PHIP: variants seen among roughly 807,000 people sequenced by gnomAD.
PHIP encodes the protein PH-interacting protein.
In PHIP, 54 loss-of-function variants were observed where a neutral mutation model predicts 236.8. The ratio of observed to expected loss-of-function variants is 0.23; its 90% CI spans 0.18 to 0.29. PHIP has a LOEUF of 0.29. Ranked by LOEUF, PHIP falls within the 10% of genes least tolerant of loss-of-function variation. The pLI is 1.00. For synonymous variants in PHIP, 756 were observed against 718.9 expected (o/e 1.05, Z -0.83); for missense variants, 1,370 against 2,190.8 (o/e 0.63, Z 7.48).
At chr6:78,981,146 A>G (rs1201079454) in intron 23 of PHIP, among the ~76,000 whole-genome samples, 1 of 151,994 alleles carries the variant, frequency 6.6e-6, no homozygotes, top group Admixed American at 6.6e-5. Flanking sequence ...ATTCTTTAAC[A>G]TTTCTAGCTC....
chr6:79,043,896 G>A (rs1012645811), intron 6 of PHIP, among the ~76,000 whole-genome samples: 10 of 150,144 alleles, frequency 6.7e-5, no homozygotes, highest in African/African-American at 2.2e-4. Context: ...TTTCTCGGTC[G>A]AATTTAGCCC....
chr6:78,996,982 A>AAT (rs1554202828), intron 19 of PHIP, among the ~76,000 whole-genome samples: 1 of 151,024 alleles, frequency 6.6e-6, no homozygotes, highest in Non-Finnish European at 1.5e-5. Flanking sequence ...TAAATATTTT[A>AAT]ATATATATAA....
Position 78,963,914 on chromosome 6 carries a change from G to A in PHIP, c.3380-662C>T, listed in dbSNP as rs545398137. On this transcript the variant is annotated intron_variant, in intron 29 of 39. Transcript: ENST00000275034. ...AATCAAAATTCTCATCACAAACTACGATTAAACTCTATAGGTTCGTATGAA... is the reference window on the plus strand; with the variant it reads ...AATCAAAATTCTCATCACAAACTACAATTAAACTCTATAGGTTCGTATGAA... 4.6e-5 allele frequency among the ~76,000 whole-genome samples: 7 copies of A among 152,228 alleles called. No individual in the cohort carries two copies. In the South Asian group the frequency reaches 1.0e-3, roughly 23 times the overall value.
At chr6:78,979,361 CTCCTT>C (rs767036028) in intron 23 of PHIP, among the ~76,000 whole-genome samples, 1 of 152,092 alleles carries the variant, frequency 6.6e-6, no homozygotes, top group Non-Finnish European at 1.5e-5. Context: ...TCTGTGTATT[CTCCTT>C]TCCTTTCAAA....
intron 19 of PHIP, among the ~76,000 whole-genome samples, chr6:78,992,052 C>A (rs1046928165): frequency 6.6e-6 from 1 of 151,162 alleles, no homozygotes; most frequent in Non-Finnish European, 1.5e-5. Flanking sequence ...GGCTCTGCCC[C>A]CCGGGGTTCA....
chr6:79,018,229 A>C (rs185600722), intron 10 of PHIP, among the ~76,000 whole-genome samples: 4 of 152,076 alleles, frequency 2.6e-5, no homozygotes, highest in African/African-American at 9.6e-5. Context: ...AGGAGTAAAA[A>C]TTCAGAGTAT....
intron 4 of PHIP, among the ~76,000 whole-genome samples, chr6:79,075,581 T>G (rs778198513): frequency 3.1e-5 from 1 of 32,786 alleles, no homozygotes; most frequent in Non-Finnish European, 5.6e-5. Context: ...CCCCCCACCC[T>G]CCCCCCAAAA....
At chr6:79,008,780 C>T (rs577206192) in intron 15 of PHIP, among the ~76,000 whole-genome samples, 1 of 152,208 alleles carries the variant, frequency 6.6e-6, no homozygotes, top group African/African-American at 2.4e-5. Flanking sequence ...CTGGCCATTT[C>T]CACATAGGTA....
intron 39 of PHIP, among the ~76,000 whole-genome samples, chr6:78,944,873 T>A (rs1015624136): frequency 2.6e-5 from 4 of 152,220 alleles, no homozygotes; most frequent in African/African-American, 7.2e-5. Flanking sequence ...AACCTGGAGG[T>A]GAAAGAACTT....
At chr6:78,997,746 G>T in intron 18 of PHIP, 149 bp from the exon 19 acceptor site, 1 of 636,370 alleles carries the variant, frequency 1.6e-6, no homozygotes, top group Non-Finnish European at 2.6e-6. Flanking sequence ...CTAAACCACA[G>T]GCAAAAGTGG....
intron 15 of PHIP, among the ~76,000 whole-genome samples, chr6:79,013,460 C>T (rs548569298): frequency 1.1e-4 from 16 of 151,786 alleles, no homozygotes; most frequent in Non-Finnish European, 2.1e-4. Flanking sequence ...AAAATATCCT[C>T]ATCTAACACT....
At chr6:79,039,687 G>A (rs1380199217) in intron 7 of PHIP, among the ~76,000 whole-genome samples, 1 of 152,000 alleles carries the variant, frequency 6.6e-6, no homozygotes, top group Non-Finnish European at 1.5e-5. Context: ...GACAATTTAT[G>A]TTTCTGAAAA....
Position 79,078,190 on chromosome 6 carries a change from A to C in PHIP, c.-122T>G. ...TCACGAGCCGAGCTTCGGCTCCACC[A>C]TTCAAGCAACGGCGGCGGAGGCGGA... On this transcript the variant is annotated 5_prime_UTR_variant, in exon 1 of 40. The change abolishes an upstream ATG in the 5' untranslated region. Transcript: ENST00000275034. 1 of 949,754 alleles carries C rather than the reference A, an allele frequency of 1.1e-6. No homozygotes were observed. Among genetic ancestry groups the C allele is most frequent in the Non-Finnish European group, 1.6e-6 (1 of 629,072 alleles). The allele number at this position is 949,754 out of a possible 1,614,324, so 58.8% of individuals were successfully genotyped here.
chr6:79,018,661 C>A (rs559888968), intron 10 of PHIP, among the ~76,000 whole-genome samples: 1 of 151,776 alleles, frequency 6.6e-6, no homozygotes, highest in South Asian at 2.1e-4. Context: ...CAAATAAGAA[C>A]AATATGTAGC....
intron 15 of PHIP, among the ~76,000 whole-genome samples, chr6:79,005,985 T>C (rs985937382): frequency 6.6e-6 from 1 of 152,034 alleles, no homozygotes; most frequent in Admixed American, 6.6e-5. Context: ...GATGCCTGTG[T>C]GTCCTATATA....
intron 4 of PHIP, among the ~76,000 whole-genome samples, chr6:79,068,519 G>A (rs1773735331): frequency 1.3e-5 from 2 of 152,104 alleles, no homozygotes; most frequent in African/African-American, 4.8e-5. Context: ...CACAGCCTGG[G>A]TTTAAAGTTG....
chr6:78,977,771 G>A (rs1342094039), intron 24 of PHIP, among the ~76,000 whole-genome samples: 2 of 152,090 alleles, frequency 1.3e-5, no homozygotes, highest in East Asian at 3.9e-4. Flanking sequence ...AATGTTCTGT[G>A]CTCTTCAAGT....
At chr6:79,074,520 T>C (rs1774056091) in intron 4 of PHIP, among the ~76,000 whole-genome samples, 1 of 152,144 alleles carries the variant, frequency 6.6e-6, no homozygotes, top group African/African-American at 2.4e-5. Context: ...GTGCCCCTTT[T>C]CTTTAAAATA....
At chr6:79,067,088 T>C (rs1773661566) in intron 4 of PHIP, among the ~76,000 whole-genome samples, 1 of 152,184 alleles carries the variant, frequency 6.6e-6, no homozygotes, top group Non-Finnish European at 1.5e-5. Flanking sequence ...CATCTCTCTA[T>C]GCTGCCCAGG....
Sources: allele counts gnomAD v4.1 joint callset (sites outside exome capture counted in the v4.1 genomes callset), GRCh38; gene constraint gnomAD v4.1.1; transcripts MANE v1.5; gene names NCBI Gene and HGNC (gene_info 2026-07-23, HGNC 2026-07-21).